The following ZBTB5 variants were observed in gnomAD, a reference collection of about 807,000 sequenced individuals.
ZBTB5 encodes the protein zinc finger and BTB domain-containing protein 5.
A neutral mutation model predicts 37.9 loss-of-function variants in ZBTB5; 15 were observed. The observed-to-expected ratio is 0.40, with a 90% CI of 0.26 to 0.61. The LOEUF is 0.61. Among genes scored for constraint, ZBTB5 ranks in the 20% least tolerant of loss-of-function variants. The pLI is 0.47. For missense variants in ZBTB5, 708 were observed against 856.8 expected (o/e 0.83, Z 2.17); for synonymous variants, 315 against 312.4 (o/e 1.01, Z -0.09).
In ZBTB5 at chr9:37,438,725, G is replaced by C. The variant is rs1823784169; in HGVS notation, c.*1793C>G. The C allele has an allele frequency of 1.3e-5, 2 of 152,242 alleles. No homozygotes were observed. Among genetic ancestry groups the C allele is most frequent in the African/African-American group, 2.4e-5 (1 of 41,454 alleles). 9.4% of individuals were successfully genotyped at this position (152,242 alleles called of 1,614,324 possible). ...GACACTGGTCCCTACATCATGTAAA[G>C]GGTGGATGGGGAGCCTCCTAACACC... is the stretch of plus-strand genomic sequence containing the variant. On this transcript the variant is annotated 3_prime_UTR_variant, in exon 2 of 2. Coordinates refer to ENST00000307750, the MANE Select transcript of ZBTB5 (RefSeq NM_014872.3).
At chr9:37,458,999 T>C (rs1031081398) in intron 1 of ZBTB5, among the ~76,000 whole-genome samples, 2 of 152,212 alleles carry the variant, frequency 1.3e-5, no homozygotes, top group African/African-American at 4.8e-5. Context: ...AAAAATCTAC[T>C]GAAATAATCC....
chr9:37,450,055 C>T (rs1360611010), intron 1 of ZBTB5, among the ~76,000 whole-genome samples: 1 of 152,138 alleles, frequency 6.6e-6, no homozygotes. Context: ...GTGATCAAAC[C>T]AATCTGTGGG....
At chr9:37,447,865 A>C (rs1053154137) in intron 1 of ZBTB5, among the ~76,000 whole-genome samples, 1 of 151,986 alleles carries the variant, frequency 6.6e-6, no homozygotes, top group Non-Finnish European at 1.5e-5. Flanking sequence ...GCTTACTTAA[A>C]AATTACGGGG....
At position 37,440,890 on chromosome 9, in the gene ZBTB5, TG is replaced by T; in HGVS notation, c.1661del (p.Pro554GlnfsTer9). ...VVTSVRSSQIPENSTSSQLMM... is the reference protein window; with the variant it reads ...VVTSVRSSQIXENSTSSQLMM... ...TTAGCTGAGAACTGGTAGAGTTTTC[TG>T]GGATCTGTGAGCTCCTGACGGAAGT... On this transcript the variant is annotated frameshift_variant, in exon 2 of 2. Transcript: ENST00000307750. LOFTEE classifies it high-confidence loss of function. 1 of 1,614,188 alleles carries T rather than the reference TG, an allele frequency of 6.2e-7. No individual in the cohort carries two copies. Among genetic ancestry groups the T allele is most frequent in the Non-Finnish European group, 8.5e-7 (1 of 1,180,036 alleles).
intron 1 of ZBTB5, 126 bp from the exon 2 acceptor site, chr9:37,442,681 G>T: frequency 1.4e-6 from 1 of 712,048 alleles, no homozygotes; most frequent in Non-Finnish European, 2.3e-6. Flanking sequence ...TGATATCTCT[G>T]ATAATGGGCA....
chr9:37,450,999 G>A (rs915205333), intron 1 of ZBTB5, among the ~76,000 whole-genome samples: 1 of 151,890 alleles, frequency 6.6e-6, no homozygotes, highest in Non-Finnish European at 1.5e-5. Context: ...GCAACATGGT[G>A]AGACCCCCGT....
At chr9:37,449,464 C>T (rs1237792631) in intron 1 of ZBTB5, among the ~76,000 whole-genome samples, 1 of 151,816 alleles carries the variant, frequency 6.6e-6, no homozygotes. Flanking sequence ...TTTGGAGGTC[C>T]AGGTGGGCAG....
Position 37,440,389 on chromosome 9 carries a change from G to A in ZBTB5, c.*129C>T. 2 of 699,210 alleles carry A rather than the reference G, an allele frequency of 2.9e-6. No individual in the cohort carries two copies. The highest frequency in any genetic ancestry group is 3.8e-5 in the South Asian group (2 of 52,828). 43.3% of individuals were successfully genotyped at this position (699,210 alleles called of 1,614,324 possible). ...ACAAATACTACATGTTAGTTCTCCGGTTATTAGTTGCTAAACTGTTTAAGA... is the reference window on the plus strand; with the variant it reads ...ACAAATACTACATGTTAGTTCTCCGATTATTAGTTGCTAAACTGTTTAAGA... On this transcript the variant is annotated 3_prime_UTR_variant, in exon 2 of 2. Coordinates refer to ENST00000307750, the MANE Select transcript of ZBTB5 (RefSeq NM_014872.3).
At chr9:37,449,781 C>T (rs1340052829) in intron 1 of ZBTB5, among the ~76,000 whole-genome samples, 3 of 151,550 alleles carry the variant, frequency 2.0e-5, no homozygotes, top group Non-Finnish European at 2.9e-5. Flanking sequence ...AGCCAGCCCT[C>T]GGTAAGGTTT....
chr9:37,450,299 A>G (rs1824078619), intron 1 of ZBTB5, among the ~76,000 whole-genome samples: 1 of 152,128 alleles, frequency 6.6e-6, no homozygotes, highest in Non-Finnish European at 1.5e-5. Flanking sequence ...TACCCCAGAC[A>G]ACGAAGCTGC....
intron 1 of ZBTB5, 88 bp downstream of exon 1, chr9:37,465,127 C>A (rs1052593738): frequency 1.3e-5 from 2 of 152,396 alleles, no homozygotes; most frequent in East Asian, 3.8e-4. Flanking sequence ...TCTGCGCGCT[C>A]CCCGACGCCT....
At chr9:37,456,415 T>A (rs1253158861) in intron 1 of ZBTB5, among the ~76,000 whole-genome samples, 1 of 152,268 alleles carries the variant, frequency 6.6e-6, no homozygotes, top group Admixed American at 6.5e-5. Flanking sequence ...CCTGTCAGCA[T>A]GACTAATGTC....
In ZBTB5 at chr9:37,441,063, G is replaced by C; in HGVS notation, c.1489C>G (p.Gln497Glu). 2 of 1,614,090 alleles carry C rather than the reference G, an allele frequency of 1.2e-6. No homozygotes were observed. The highest frequency in any genetic ancestry group is 1.7e-6 in the Non-Finnish European group (2 of 1,180,028). ...TCCATCCCAAACTGTTCTCCTCCTT[G>C]GTAGCCTGAAGTCTGCACACACGGC... The part of the protein sequence containing the change: ...GLPCVQTSGY[Q>E]GGEQFGMDFS... Residue 497 changes from glutamine (Q) to glutamate (E), a missense_variant, in exon 2 of 2, where the codon CAA becomes GAA. Around this residue, in one of 3 missense-constraint regions of ZBTB5, gnomAD observed 639 missense variants for 690.5 expected, o/e 0.93. Coordinates refer to ENST00000307750, the MANE Select transcript of ZBTB5 (RefSeq NM_014872.3).
chr9:37,441,404 T>C lies in ZBTB5; in HGVS notation c.1148A>G (p.Gln383Arg). The C allele has an allele frequency of 6.2e-7, 1 of 1,614,036 alleles. No homozygotes were observed. ...ATCACCTACCCTGTCTGTGCTAGAC[T>C]GGGGATCTGAAAAACTCCGATCACT... Reference protein sequence around the residue: ...ESSDRSFSDPQSSTDRVGDIH... With the variant: ...ESSDRSFSDPRSSTDRVGDIH... Residue 383 changes from glutamine (Q) to arginine (R), a missense_variant, in exon 2 of 2, where the codon CAG becomes CGG. Around this residue, in one of 3 missense-constraint regions of ZBTB5, gnomAD observed 639 missense variants for 690.5 expected, o/e 0.93. Transcript: ENST00000307750.
intron 1 of ZBTB5, among the ~76,000 whole-genome samples, chr9:37,462,803 A>G (rs1370285641): frequency 6.6e-6 from 1 of 152,072 alleles, no homozygotes; most frequent in Admixed American, 6.6e-5. Flanking sequence ...AGCTCAGGCA[A>G]TCTGCCCGCC....
chr9:37,441,505 T>C lies in ZBTB5; in HGVS notation c.1047A>G (p.Gln349=). ...CTTCCACAGACTCGCTGCCTTCTGC[T>C]TGTGAGGTCACATCGCTCACTTCAT... ...PQDEVSDVTS[Q]AEGSESVEVE... is the part of the protein sequence containing the mutation. Residue 349 remains glutamine (Q), a synonymous_variant, in exon 2 of 2, where the codon CAA becomes CAG. Coordinates refer to ENST00000307750, the MANE Select transcript of ZBTB5 (RefSeq NM_014872.3). 1 of 1,613,036 alleles carries C rather than the reference T, an allele frequency of 6.2e-7. No homozygotes were observed. The highest frequency in any genetic ancestry group is 8.5e-7 in the Non-Finnish European group (1 of 1,179,828).
intron 1 of ZBTB5, among the ~76,000 whole-genome samples, chr9:37,454,534 G>A (rs1405422723): frequency 6.6e-6 from 1 of 152,090 alleles, no homozygotes. Flanking sequence ...AAATATTTAG[G>A]AATTTCAAAA....
At chr9:37,447,014 T>C (rs1824002961) in intron 1 of ZBTB5, among the ~76,000 whole-genome samples, 6 of 152,342 alleles carry the variant, frequency 3.9e-5, no homozygotes, top group Admixed American at 3.3e-4. Context: ...CGTTACTGCT[T>C]TCTCTCCTAC....
chr9:37,462,562 G>GTTT (rs372165548), intron 1 of ZBTB5, among the ~76,000 whole-genome samples: 7 of 132,456 alleles, frequency 5.3e-5, no homozygotes, highest in Non-Finnish European at 8.1e-5. Context: ...TGCTTTAACC[G>GTTT]TTTTTTTTTT....
Sources: allele counts gnomAD v4.1 joint callset (sites outside exome capture counted in the v4.1 genomes callset), GRCh38; gene constraint gnomAD v4.1.1; regional missense constraint gnomAD v4.1.1; transcripts MANE v1.5; gene names NCBI Gene and HGNC (gene_info 2026-07-23, HGNC 2026-07-21).